Variants in DNAH17 observed in about 807,000 individuals in gnomAD.
DNAH17 encodes axonemal beta dynein heavy chain 17.
A neutral mutation model predicts 485.6 loss-of-function variants in DNAH17; 376 were observed. The observed-to-expected ratio is 0.77, with a 90% CI of 0.71 to 0.84. The LOEUF (loss-of-function observed/expected upper bound fraction) is 0.84, where lower values mean the gene tolerates loss of function less well. DNAH17 is among the 40% of genes least tolerant of loss of function. The pLI is 0.00. For synonymous variants in DNAH17, 3,031 were observed against 2,405.9 expected, an observed-to-expected ratio of 1.26 and a Z score of -7.60; for missense variants, 6,370 against 5,839.3, an observed-to-expected ratio of 1.09 and a Z score of -2.96.
chr17:78,515,193 C>A (rs773246845), intron 25 of DNAH17, among the ~76,000 whole-genome samples, 171 bp from the exon 26 acceptor site: 1 of 152,252 alleles, frequency 6.6e-6, no homozygotes, highest in African/African-American at 2.4e-5. Context: ...ACAACCGTGG[C>A]GTCACAAAAG....
At chr17:78,483,633 A>AAAT (rs536576212) in intron 48 of DNAH17, among the ~76,000 whole-genome samples, 749 of 65,456 alleles carry the variant, frequency 0.011, 5 homozygotes, top group African/African-American at 0.037. Context: ...TCTGTCTTGG[A>AAAT]AATAATAATA....
intron 9 of DNAH17, among the ~76,000 whole-genome samples, chr17:78,568,047 G>C (rs1364562906): frequency 6.6e-6 from 1 of 152,178 alleles, no homozygotes; most frequent in Non-Finnish European, 1.5e-5. Context: ...CGAGGAGACA[G>C]GCACCGAGGA....
chr17:78,553,547 C>G (rs1198304428), intron 14 of DNAH17, among the ~76,000 whole-genome samples: 1 of 151,986 alleles, frequency 6.6e-6, no homozygotes, highest in South Asian at 2.1e-4. Flanking sequence ...AATGATCCAC[C>G]CACCTTGGCC....
At chr17:78,461,739 T>C (rs1011514629) in intron 57 of DNAH17, 31 bp from the exon 58 acceptor site, 13 of 1,593,398 alleles carry the variant, frequency 8.2e-6, no homozygotes, top group African/African-American at 1.3e-5. Context: ...AAACAGCAAG[T>C]GTGGGCCGCA....
chr17:78,485,827 C>T, intron 46 of DNAH17, 70 bp from the exon 47 acceptor site: 1 of 1,577,614 alleles, frequency 6.3e-7, no homozygotes. Context: ...GGTGTGCAGG[C>T]CATGTTCTAC....
Position 78,498,990 on chromosome 17 carries a change from G to C in DNAH17, c.5745+18C>G. 6.3e-7 allele frequency: 1 copy of C among 1,582,422 alleles called. No homozygotes were observed. On this transcript the variant is annotated intron_variant, in intron 37 of 80. Transcript: ENST00000389840. ...AGTCACCCGACGTGACCCCGAGGCC[G>C]CAGGCAGGGGACTTTACCTGCACGG...
intron 27 of DNAH17, among the ~76,000 whole-genome samples, chr17:78,509,813 AT>A (rs1216403815): frequency 6.6e-6 from 1 of 152,172 alleles, no homozygotes; most frequent in Non-Finnish European, 1.5e-5. Flanking sequence ...AGTTCTGGTT[AT>A]TTACAAAATG....
intron 49 of DNAH17, 77 bp from the exon 50 acceptor site, chr17:78,479,709 G>A (rs775448478): frequency 7.6e-6 from 12 of 1,581,998 alleles, no homozygotes; most frequent in Non-Finnish European, 8.6e-6. Context: ...CTTCGCGGGA[G>A]AGTGGCCCCT....
chr17:78,475,336 C>T lies in DNAH17; in HGVS notation c.8453G>A (p.Ser2818Asn). The T allele has an allele frequency of 6.2e-7, 1 of 1,614,048 alleles. No homozygotes were observed. Among genetic ancestry groups the T allele is most frequent in the Admixed American group, 1.7e-5 (1 of 60,028 alleles). Residue 2818 changes from serine (S) to asparagine (N), a missense_variant, in exon 54 of 81, where the codon AGC (serine) becomes AAC (asparagine). Ser to Asn is a conservative substitution (Grantham distance 46). Transcript: ENST00000389840. ...QSLSRLAAYI[S>N]GLDVFQITLK... ...GGTGATCTGAAACACGTCAAGCCCGCTGATGTACGCTGCCAGGCGGGAGAG... is the reference window on the plus strand; with the variant it reads ...GGTGATCTGAAACACGTCAAGCCCGTTGATGTACGCTGCCAGGCGGGAGAG...
intron 2 of DNAH17, 68 bp downstream of exon 2, chr17:78,574,645 G>A: frequency 7.2e-7 from 1 of 1,379,348 alleles, no homozygotes; most frequent in Non-Finnish European, 9.9e-7. Flanking sequence ...CTGAGCAGCA[G>A]GACTCAAGGC....
intron 24 of DNAH17, 99 bp from the exon 25 acceptor site, chr17:78,525,260 T>A: frequency 6.8e-7 from 1 of 1,472,236 alleles, no homozygotes; most frequent in Non-Finnish European, 9.1e-7. Context: ...GTGCCCTCCC[T>A]GATAAACCTT....
At chr17:78,556,693 C>A (rs954410248) in intron 14 of DNAH17, among the ~76,000 whole-genome samples, 11 of 152,070 alleles carry the variant, frequency 7.2e-5, no homozygotes, top group Non-Finnish European at 1.3e-4. Flanking sequence ...CCGGGCCCCT[C>A]CTGATTGTAC....
chr17:78,527,207 A>AC (rs1403730131), intron 22 of DNAH17, among the ~76,000 whole-genome samples: 3 of 152,020 alleles, frequency 2.0e-5, no homozygotes, highest in Non-Finnish European at 2.9e-5. Context: ...ACAAAGTGAG[A>AC]CCCCATCTCT....
chr17:78,500,857 G>A lies in DNAH17; in HGVS notation c.5483+327C>T, dbSNP rs1039548558. 6.1e-5 allele frequency: 15 copies of A among 247,172 alleles called. No homozygotes were observed. In the East Asian group the frequency reaches 1.1e-3, roughly 18 times the overall value. The allele number at this position is 247,172 out of a possible 1,614,324, so 15.3% of individuals were successfully genotyped here. A position where few individuals can be genotyped will look rare whatever the true frequency, so the allele number is the denominator to read the frequency against. On this transcript the variant is annotated intron_variant, in intron 35 of 80. Coordinates refer to ENST00000389840, the MANE Select transcript of DNAH17 (RefSeq NM_173628.4). Reference sequence around the variant, plus strand: ...GTGTGAAGGAGGAACCACAACCGTGGAGCAGAGGCAGCCCAGGTGCCTTTC... The same window carrying A: ...GTGTGAAGGAGGAACCACAACCGTGAAGCAGAGGCAGCCCAGGTGCCTTTC...
chr17:78,431,334 G>A (rs2086663359), intron 75 of DNAH17, among the ~76,000 whole-genome samples: 1 of 152,196 alleles, frequency 6.6e-6, no homozygotes, highest in Non-Finnish European at 1.5e-5. Context: ...CTCCCGAGAG[G>A]CAGGAAGACC....
rs10221268 is a variant in DNAH17 at position 78,437,725 on chromosome 17, A to G, written c.11949T>C (p.Ile3983=). 6,534 of 1,612,178 alleles carry G rather than the reference A, an allele frequency of 4.1e-3. 249 individuals are homozygous for G. The African/African-American group carries it at 0.076, about 19-fold the overall frequency. The part of the protein sequence containing the change: ...SPETHIIPQG[I]LENAIKITNE... ...TGGTGATCTTGATGGCGTTCTCCAG[A>G]ATGCCCTGGGGGATGATGTGGGTCT... The change falls in exon 74 of 81, where the codon ATT becomes ATC. Residue 3983 remains isoleucine, a synonymous_variant. Transcript: ENST00000389840.
At position 78,478,599 on chromosome 17, in the gene DNAH17, TCAC is replaced by T. The variant is rs1340707369; in HGVS notation, c.7992+423_7992+425del. ...ACCATTACCACCATCACTACCACTGTCACCACCACCGTCATCACCCCCATTATT... is the reference window on the plus strand; with the variant it reads ...ACCATTACCACCATCACTACCACTGTCACCACCGTCATCACCCCCATTATT... On this transcript the variant is annotated intron_variant, in intron 51 of 80. Coordinates refer to ENST00000389840, the MANE Select transcript of DNAH17 (RefSeq NM_173628.4). 2.8e-5 allele frequency among the ~76,000 whole-genome samples: 4 copies of T among 141,180 alleles called. No individual in the cohort carries two copies. In the South Asian group the frequency reaches 6.7e-4, roughly 24 times the overall value. 92.6% of individuals were successfully genotyped at this position (141,180 alleles called of 152,430 possible). A position where few individuals can be genotyped will look rare whatever the true frequency, so the allele number is the denominator to read the frequency against.
At chr17:78,483,279 G>C (rs1271165310) in intron 48 of DNAH17, among the ~76,000 whole-genome samples, 1 of 152,204 alleles carries the variant, frequency 6.6e-6, no homozygotes, top group Non-Finnish European at 1.5e-5. Flanking sequence ...CGTGAGCTCT[G>C]GGAGTGTCGT....
chr17:78,553,964 C>A (rs79879262), intron 14 of DNAH17, among the ~76,000 whole-genome samples: 1 of 151,690 alleles, frequency 6.6e-6, no homozygotes, highest in Admixed American at 6.6e-5. Flanking sequence ...AGCTCAAAAT[C>A]TTTTTTTTAA....
Sources: gnomAD v4.1 joint callset for allele counts (sites outside exome capture counted in the v4.1 genomes callset) on GRCh38, gnomAD v4.1.1 for gene constraint, MANE v1.5 for transcripts, NCBI Gene and HGNC (gene_info 2026-07-23, HGNC 2026-07-21) for gene names.